PDE10A: variants seen among roughly 807,000 people sequenced by gnomAD.
The protein encoded by PDE10A is cAMP and cAMP-inhibited cGMP 3',5'-cyclic phosphodiesterase 10A.
In PDE10A, 39 loss-of-function variants were observed where a neutral mutation model predicts 97.7. That is an observed-to-expected ratio of 0.40 (90% CI 0.31 to 0.52). The LOEUF is 0.52. PDE10A is among the 20% of genes least tolerant of loss of function. The probability of loss-of-function intolerance (pLI) is 0.56; values close to 1 mark genes in which losing one functional copy is unlikely to be tolerated. For synonymous variants in PDE10A, 371 were observed against 376.8 expected (o/e 0.98, Z 0.18); for missense variants, 731 against 1,047.8 (o/e 0.70, Z 4.17).
intron 13 of PDE10A, among the ~76,000 whole-genome samples, chr6:165,402,411 C>CTA (rs1786740151): frequency 6.6e-6 from 1 of 151,752 alleles, no homozygotes; most frequent in Non-Finnish European, 1.5e-5. Flanking sequence ...TTCTAAATGA[C>CTA]CTTTAATATG....
At chr6:165,481,973 G>A (rs1432342681) in intron 3 of PDE10A, among the ~76,000 whole-genome samples, 1 of 152,150 alleles carries the variant, frequency 6.6e-6, no homozygotes, top group Non-Finnish European at 1.5e-5. Context: ...TGGGAAGACT[G>A]CTGCCCTGTG....
At chr6:165,855,862 G>C (rs1022646465) in intron 1 of PDE10A, among the ~76,000 whole-genome samples, 3 of 152,194 alleles carry the variant, frequency 2.0e-5, no homozygotes, top group Admixed American at 6.5e-5. Context: ...AGGAAACGTC[G>C]GAAGTGTCAG....
At chr6:165,569,746 C>T (rs920364096) in intron 1 of PDE10A, among the ~76,000 whole-genome samples, 1 of 152,276 alleles carries the variant, frequency 6.6e-6, no homozygotes, top group East Asian at 1.9e-4. Flanking sequence ...ACTCTCATTC[C>T]GGTTTACTGT....
rs187925294 is a variant in PDE10A, at chr6:165,903,312, G to T, written c.-615+84217C>A. ...TGACTACACTGCAGTGGAACATGGA[G>T]GAAGGCTAATTTGCTTAGAAGTTGA... is the stretch of plus-strand genomic sequence containing the variant. On this transcript the variant is annotated intron_variant, in intron 1 of 19. Coordinates refer to the PDE10A transcript ENST00000366882. Among the ~76,000 whole-genome samples, 536 of 152,324 alleles carry T rather than the reference G, an allele frequency of 3.5e-3. 1 individual carries two copies. The highest frequency in any genetic ancestry group is 0.012 in the African/African-American group (496 of 41,568).
At chr6:165,360,527 A>G (rs937101431) in intron 18 of PDE10A, among the ~76,000 whole-genome samples, 1 of 152,136 alleles carries the variant, frequency 6.6e-6, no homozygotes, top group Non-Finnish European at 1.5e-5. Flanking sequence ...GTACTCCCAT[A>G]AAGAGTGGAT....
In PDE10A at chr6:165,413,697, G is replaced by A. The variant is rs1788074271; in HGVS notation, c.1890-10C>T. ...GTACAAGTCTACTTCTCTGTGGGGTGACAGAACCAAAAATAACAACAACAA... is the reference window on the plus strand; with the variant it reads ...GTACAAGTCTACTTCTCTGTGGGGTAACAGAACCAAAAATAACAACAACAA... On this transcript the variant is annotated splice_polypyrimidine_tract_variant and intron_variant, in intron 12 of 21. Transcript: ENST00000539869. 6.3e-7 allele frequency: 1 copy of A among 1,599,858 alleles called. No individual in the cohort carries two copies. The highest frequency in any genetic ancestry group is 8.5e-7 in the Non-Finnish European group (1 of 1,171,152).
Position 165,410,071 on chromosome 6 carries a change from T to C in PDE10A, c.2076+3430A>G, listed in dbSNP as rs529352557. 9.2e-5 allele frequency among the ~76,000 whole-genome samples: 14 copies of C among 152,244 alleles called. No homozygotes were observed. In the South Asian group the frequency reaches 2.3e-3, roughly 25 times the overall value. On this transcript the variant is annotated intron_variant, in intron 13 of 21. Transcript: ENST00000539869. ...AATGAATAAATTTTAAGATGATCAA[T>C]TTCCATATTCTTAACTTTCACACAT... is the stretch of plus-strand genomic sequence containing the variant.
At chr6:165,674,411 T>A (rs1377653233) in intron 1 of PDE10A, among the ~76,000 whole-genome samples, 1 of 151,692 alleles carries the variant, frequency 6.6e-6, no homozygotes, top group African/African-American at 2.4e-5. Context: ...CAGCTGCCCA[T>A]GGAAGTTCCT....
At chr6:165,475,150 A>G (rs1296468185) in intron 3 of PDE10A, among the ~76,000 whole-genome samples, 1 of 152,126 alleles carries the variant, frequency 6.6e-6, no homozygotes, top group Non-Finnish European at 1.5e-5. Flanking sequence ...TCTGAAAGAA[A>G]CCATTTTTCA....
chr6:165,904,195 G>A (rs1782198057), intron 1 of PDE10A, among the ~76,000 whole-genome samples: 2 of 152,188 alleles, frequency 1.3e-5, no homozygotes, highest in South Asian at 4.1e-4. Context: ...ATAGTAAAGA[G>A]GAGGGTAATT....
At chr6:165,735,140 ATAGG>A (rs1248881038) in intron 1 of PDE10A, among the ~76,000 whole-genome samples, 16 of 150,192 alleles carry the variant, frequency 1.1e-4, no homozygotes, top group African/African-American at 3.4e-4. Flanking sequence ...TGGTAGATAA[ATAGG>A]TAGGTAGGTA....
chr6:165,632,652 T>C (rs1399117776), intron 1 of PDE10A, among the ~76,000 whole-genome samples: 4 of 152,166 alleles, frequency 2.6e-5, no homozygotes, highest in Non-Finnish European at 5.9e-5. Context: ...GATCCACAAA[T>C]TGGTAAATCT....
intron 1 of PDE10A, among the ~76,000 whole-genome samples, chr6:165,568,295 G>A (rs951384882): frequency 2.0e-5 from 3 of 151,996 alleles, no homozygotes; most frequent in Admixed American, 1.3e-4. Context: ...CACCGCATCC[G>A]GCCAGCATTT....
At chr6:165,692,277 G>A (rs1446475318) in intron 1 of PDE10A, among the ~76,000 whole-genome samples, 1 of 152,192 alleles carries the variant, frequency 6.6e-6, no homozygotes, top group Admixed American at 6.5e-5. Context: ...TTATAAAGGA[G>A]CCTGAGGCTG....
At chr6:165,643,244 T>G (rs1583701440) in intron 1 of PDE10A, among the ~76,000 whole-genome samples, 1 of 102,970 alleles carries the variant, frequency 9.7e-6, no homozygotes, top group Non-Finnish European at 1.9e-5. Flanking sequence ...GGTGGGTGGG[T>G]GGATGGATGG....
intron 1 of PDE10A, among the ~76,000 whole-genome samples, chr6:165,930,917 A>C (rs1393760493): frequency 1.3e-5 from 2 of 152,204 alleles, no homozygotes; most frequent in African/African-American, 4.8e-5. Flanking sequence ...ATGGGAAGCC[A>C]CCGTGGTGCT....
At position 165,661,539 on chromosome 6, in the gene PDE10A, C is replaced by T. The variant is rs779550701; in HGVS notation, c.865+408G>A. 4.9e-5 allele frequency: 8 copies of T among 162,420 alleles called. No individual in the cohort carries two copies. Among genetic ancestry groups the T allele is most frequent in the Admixed American group, 1.3e-4 (2 of 15,522 alleles). The allele number at this position is 162,420 out of a possible 1,614,324, so 10.1% of individuals were successfully genotyped here. A position where few individuals can be genotyped will look rare whatever the true frequency, so the allele number is the denominator to read the frequency against. On this transcript the variant is annotated intron_variant, in intron 1 of 21. Transcript: ENST00000539869. The surrounding 1 kb of genome is among the most constrained non-coding windows in gnomAD (Gnocchi z 4.8). ...GACCCCCAAGTGGAAGGAAGCGCAT[C>T]TGCTCCAGCCAAGTGGCCACAGGCT...
chr6:165,331,672 A>T lies in PDE10A; in HGVS notation c.*1353T>A, dbSNP rs1781349721. ...GTGCCATTGCACTAAAAATCTTTAA[A>T]TTATTAAAATGCGCCAGAAGTGACT... On this transcript the variant is annotated 3_prime_UTR_variant, in exon 22 of 22. Transcript: ENST00000539869. 1 of 152,228 alleles carries T rather than the reference A, an allele frequency of 6.6e-6. No homozygotes were observed. Among genetic ancestry groups the T allele is most frequent in the African/African-American group, 2.4e-5 (1 of 41,462 alleles). 9.4% of individuals were successfully genotyped at this position (152,228 alleles called of 1,614,324 possible). A position where few individuals can be genotyped will look rare whatever the true frequency, so the allele number is the denominator to read the frequency against.
chr6:165,570,832 T>C (rs1583562567), intron 1 of PDE10A, among the ~76,000 whole-genome samples: 1 of 151,902 alleles, frequency 6.6e-6, no homozygotes, highest in African/African-American at 2.4e-5. Context: ...CAGCAAATAC[T>C]TGACCAATGC....
Sources: allele counts gnomAD v4.1 joint callset (sites outside exome capture counted in the v4.1 genomes callset), GRCh38; gene constraint gnomAD v4.1.1; non-coding constraint Gnocchi (gnomAD v3.1); transcripts MANE v1.5; gene names NCBI Gene and HGNC (gene_info 2026-07-23, HGNC 2026-07-21).